The following FAM161B variants were observed in gnomAD, a reference collection of about 807,000 sequenced individuals.
FAM161B encodes the protein FAM161 centrosomal protein B, also known as protein FAM161B.
A neutral mutation model predicts 61.5 loss-of-function variants in FAM161B; 46 were observed. That is an observed-to-expected ratio of 0.75 (90% CI 0.59 to 0.96). The LOEUF (loss-of-function observed/expected upper bound fraction) is 0.96. FAM161B is among the 40% of genes least tolerant of loss of function. The pLI, the probability that FAM161B is intolerant of heterozygous loss-of-function variation, is 0.00. For synonymous variants in FAM161B, 284 were observed against 302.7 expected, an observed-to-expected ratio of 0.94 and a Z score of 0.64; for missense variants, 774 against 800.7, an observed-to-expected ratio of 0.97 and a Z score of 0.40.
At chr14:73,945,716 C>T (rs1025576286) in intron 2 of FAM161B, among the ~76,000 whole-genome samples, 8 of 151,886 alleles carry the variant, frequency 5.3e-5, no homozygotes, top group Non-Finnish European at 8.8e-5. Flanking sequence ...GGCGTAAACA[C>T]GGTGCCCGGC....
downstream of FAM161B, chr14:73,931,787 C>T (rs2055920196): frequency 1.9e-6 from 1 of 513,510 alleles, no homozygotes; most frequent in Non-Finnish European, 3.6e-6. Context: ...TACCTCTCTT[C>T]CCACTGCAAA....
downstream of FAM161B, chr14:73,932,103 C>G (rs2055925289): frequency 2.2e-6 from 1 of 449,572 alleles, no homozygotes; most frequent in Non-Finnish European, 4.5e-6. Context: ...TCCCCTTGGC[C>G]CAGGCTGAGG....
At chr14:73,947,911 C>T (rs3759752) in intron 1 of FAM161B, among the ~76,000 whole-genome samples, 100,838 of 151,482 alleles carry the variant, frequency 0.67, 33,692 homozygotes, top group South Asian at 0.77. Flanking sequence ...TTTAGTTAAG[C>T]GAATGACTGA....
At chr14:73,940,208 C>A (rs7159394) in intron 5 of FAM161B, among the ~76,000 whole-genome samples, 2 of 152,060 alleles carry the variant, frequency 1.3e-5, no homozygotes, top group African/African-American at 4.8e-5. Flanking sequence ...GTGGAAGAAC[C>A]CTTGCTGGGG....
Position 73,950,065 on chromosome 14 carries a change from A to C in FAM161B, c.-39T>G. On this transcript the variant is annotated 5_prime_UTR_variant, in exon 1 of 9. Transcript: ENST00000286544. ...AGGCAGCAGCGACAGTGACAGCGAT[A>C]GTGGCAGCAGCGGTGGCAGCGAGAG... The C allele has an allele frequency of 6.2e-7, 1 of 1,608,978 alleles. No individual in the cohort carries two copies. The highest frequency in any genetic ancestry group is 2.2e-5 in the East Asian group (1 of 44,874).
At chr14:73,924,675 TTTC>T in the FAM161B span, 1 of 446,842 alleles carries the variant, frequency 2.2e-6, no homozygotes, top group Admixed American at 2.5e-5. Flanking sequence ...TTTCTCCTCT[TTTC>T]TTTTCTTTTT....
downstream of FAM161B, among the ~76,000 whole-genome samples, chr14:73,931,258 G>A (rs550547532): frequency 6.6e-6 from 1 of 152,206 alleles, no homozygotes; most frequent in South Asian, 2.1e-4. Context: ...CAATAGTTTG[G>A]CTTATAGACT....
Position 73,932,656 on chromosome 14 carries a change from G to A in FAM161B, c.*1600C>T. ...TCATTATGATTTGAGATGGGGTCTT[G>A]CTCTGTCACCCAGGCTGGAGTGCAG... On this transcript the variant is annotated 3_prime_UTR_variant, in exon 9 of 9. Transcript: ENST00000286544. 1 of 366,276 alleles carries A rather than the reference G, an allele frequency of 2.7e-6. No individual in the cohort carries two copies. Among genetic ancestry groups the A allele is most frequent in the Non-Finnish European group, 5.3e-6 (1 of 189,372 alleles). 22.7% of individuals were successfully genotyped at this position (366,276 alleles called of 1,614,324 possible).
At chr14:73,923,793 C>T in the FAM161B span, among the ~76,000 whole-genome samples, 1 of 152,142 alleles carries the variant, frequency 6.6e-6, no homozygotes, top group Non-Finnish European at 1.5e-5. Context: ...TTCTCTGCCA[C>T]ACTATAACAT....
At chr14:73,946,211 A>G (rs920042532) in intron 2 of FAM161B, 75 bp downstream of exon 2, 2 of 1,436,622 alleles carry the variant, frequency 1.4e-6, no homozygotes, top group Non-Finnish European at 1.9e-6. Context: ...TTACAGAGGA[A>G]GATGAAGCCC....
the FAM161B span, chr14:73,923,555 C>T: frequency 1.3e-6 from 2 of 1,596,988 alleles, no homozygotes; most frequent in Non-Finnish European, 8.5e-7. Flanking sequence ...GTTTCTGTGA[C>T]AATTCATGTG....
downstream of FAM161B, chr14:73,931,925 A>T: frequency 2.2e-6 from 1 of 457,682 alleles, no homozygotes; most frequent in Non-Finnish European, 4.4e-6. Context: ...CATGGATGAA[A>T]TAATTCCTGC....
intron 7 of FAM161B, 23 bp from the exon 8 acceptor site, chr14:73,936,111 T>C: frequency 6.3e-7 from 1 of 1,583,450 alleles, no homozygotes; most frequent in Non-Finnish European, 8.6e-7. Flanking sequence ...AATTAATCTG[T>C]TGTAGCTGTC....
In FAM161B at chr14:73,942,733, T is replaced by C. The variant is rs746683244; in HGVS notation, c.926-18A>G. The C allele has an allele frequency of 1.9e-6, 3 of 1,604,140 alleles. No individual in the cohort carries two copies. Among genetic ancestry groups the C allele is most frequent in the Admixed American group, 3.4e-5 (2 of 59,124 alleles). ...CTCAGCTTCTGTGGAGAAAGGATGG[T>C]GATGGGTAAGAAAGGACCAAGCAAG... On this transcript the variant is annotated intron_variant, in intron 3 of 8. Coordinates refer to ENST00000286544, the MANE Select transcript of FAM161B (RefSeq NM_152445.3).
Position 73,937,736 on chromosome 14 carries a change from C to T in FAM161B, c.1566-35G>A, listed in dbSNP as rs779762295. 5 of 1,602,838 alleles carry T rather than the reference C, an allele frequency of 3.1e-6. No individual in the cohort carries two copies. The East Asian group carries it at 6.7e-5, about 21-fold the overall frequency. ...GCAAGACTTTTAGAAAGAATTTCAT[C>T]TTTTCTAATCCAGAATACCCTTCAT... On this transcript the variant is annotated intron_variant, in intron 6 of 8. Transcript: ENST00000286544.
intron 5 of FAM161B, 116 bp from the exon 6 acceptor site, chr14:73,938,228 G>A (rs2055987620): frequency 2.5e-6 from 3 of 1,201,444 alleles, no homozygotes; most frequent in South Asian, 2.9e-5. Context: ...GGAGGCCAAG[G>A]CAGGTGGATC....
At chr14:73,926,341 A>G in the FAM161B span, among the ~76,000 whole-genome samples, 2 of 150,902 alleles carry the variant, frequency 1.3e-5, no homozygotes, top group African/African-American at 4.9e-5. Flanking sequence ...TGTATATTGC[A>G]TTTGTTTAAT....
At chr14:73,929,174 AT>A (rs2055875973), downstream of FAM161B, among the ~76,000 whole-genome samples, 1 of 151,280 alleles carries the variant, frequency 6.6e-6, no homozygotes, top group East Asian at 1.9e-4. Flanking sequence ...CACTTTTAGC[AT>A]TATTCTCCTC....
intron 4 of FAM161B, among the ~76,000 whole-genome samples, chr14:73,941,309 A>C (rs1478704776): frequency 1.3e-5 from 2 of 151,758 alleles, no homozygotes; most frequent in Admixed American, 1.3e-4. Context: ...TTTAGTACAG[A>C]CGGGGTTTCA....
Sources: allele counts gnomAD v4.1 joint callset (sites outside exome capture counted in the v4.1 genomes callset), GRCh38; gene constraint gnomAD v4.1.1; transcripts MANE v1.5; gene names NCBI Gene and HGNC (gene_info 2026-07-23, HGNC 2026-07-21).